CALN1: variants seen among roughly 807,000 people sequenced by gnomAD.
CALN1 encodes the protein calneuron 1.
In CALN1, 17 loss-of-function variants were observed where a neutral mutation model predicts 30.6. The ratio of observed to expected loss-of-function variants is 0.56; its 90% CI spans 0.38 to 0.83. The LOEUF is 0.83. Ranked by LOEUF, CALN1 falls within the 40% of genes least tolerant of loss-of-function variation. The pLI, the probability that CALN1 is intolerant of heterozygous loss-of-function variation, is 0.00. For missense variants in CALN1, 291 were observed against 354.9 expected (o/e 0.82, Z 1.45); for synonymous variants, 156 against 131.4 (o/e 1.19, Z -1.28).
At chr7:72,244,424 A>G (rs950316060) in intron 3 of CALN1, among the ~76,000 whole-genome samples, 2 of 152,218 alleles carry the variant, frequency 1.3e-5, no homozygotes, top group Non-Finnish European at 2.9e-5. Flanking sequence ...GGATTGAAAA[A>G]TAAGCGTGTT....
At chr7:72,154,710 G>A (rs1187583741) in intron 3 of CALN1, among the ~76,000 whole-genome samples, 1 of 152,104 alleles carries the variant, frequency 6.6e-6, no homozygotes, top group Non-Finnish European at 1.5e-5. Flanking sequence ...TAAGGTCATA[G>A]GGTAAGGCTT....
At chr7:71,930,165 G>A (rs1075042) in intron 5 of CALN1, among the ~76,000 whole-genome samples, 89,270 of 151,942 alleles carry the variant, frequency 0.59, 26,741 homozygotes, top group East Asian at 0.88. Context: ...TTTTTCCCAG[G>A]CTATTTTTGA....
At chr7:72,324,314 C>A (rs1801109019) in intron 2 of CALN1, among the ~76,000 whole-genome samples, 1 of 152,088 alleles carries the variant, frequency 6.6e-6, no homozygotes, top group South Asian at 2.1e-4. Context: ...TTCACCTCCT[C>A]CAGAAAGGTC....
intron 2 of CALN1, among the ~76,000 whole-genome samples, chr7:72,299,853 A>C (rs979520480): frequency 1.3e-5 from 2 of 151,766 alleles, no homozygotes; most frequent in Non-Finnish European, 2.9e-5. Context: ...TGCTTTTTCA[A>C]TGGGGGAGAG....
chr7:72,275,495 A>T (rs1797277796), intron 3 of CALN1, among the ~76,000 whole-genome samples: 1 of 152,182 alleles, frequency 6.6e-6, no homozygotes, highest in South Asian at 2.1e-4. Flanking sequence ...ATAAACCAGG[A>T]ACAGTCATAA....
chr7:72,005,568 GC>G (rs1415297995), intron 5 of CALN1, among the ~76,000 whole-genome samples: 2 of 152,020 alleles, frequency 1.3e-5, no homozygotes, highest in African/African-American at 4.8e-5. Context: ...CTGGGCTCAA[GC>G]AATCCCCCCA....
At chr7:72,024,251 A>C (rs986977803) in intron 4 of CALN1, among the ~76,000 whole-genome samples, 1 of 152,192 alleles carries the variant, frequency 6.6e-6, no homozygotes, top group Non-Finnish European at 1.5e-5. Flanking sequence ...TGAAGGTGAG[A>C]AAATCCTTCT....
intron 5 of CALN1, among the ~76,000 whole-genome samples, chr7:71,917,377 C>T (rs571162697): frequency 1.3e-5 from 2 of 152,266 alleles, no homozygotes; most frequent in South Asian, 4.2e-4. Context: ...GTTAATACCA[C>T]TATTATATAA....
At chr7:72,199,955 CA>C (rs1791306154) in intron 3 of CALN1, among the ~76,000 whole-genome samples, 2 of 152,172 alleles carry the variant, frequency 1.3e-5, no homozygotes, top group South Asian at 4.1e-4. Context: ...CCTCATGAAA[CA>C]ATGACGGGCA....
intron 5 of CALN1, among the ~76,000 whole-genome samples, chr7:71,859,402 A>G (rs1366066734): frequency 3.3e-5 from 5 of 151,840 alleles, no homozygotes; most frequent in Admixed American, 1.3e-4. Context: ...AGTCTAAGCC[A>G]CTCTTCATGT....
At chr7:71,832,180 T>TAAAA (rs965161791) in intron 5 of CALN1, among the ~76,000 whole-genome samples, 3 of 152,152 alleles carry the variant, frequency 2.0e-5, no homozygotes, top group Admixed American at 6.6e-5. Flanking sequence ...TGTAGGCTTT[T>TAAAA]AGGCTTCCCT....
chr7:72,211,129 A>G (rs1792363850), intron 3 of CALN1, among the ~76,000 whole-genome samples: 1 of 152,096 alleles, frequency 6.6e-6, no homozygotes, highest in Non-Finnish European at 1.5e-5. Context: ...AAGGGTTCGT[A>G]TTGCCAACAA....
At chr7:71,799,133 T>A (rs1281604159) in intron 6 of CALN1, among the ~76,000 whole-genome samples, 1 of 152,208 alleles carries the variant, frequency 6.6e-6, no homozygotes, top group East Asian at 1.9e-4. Context: ...TGGTTAGCCT[T>A]GCCTTTCATT....
intron 5 of CALN1, among the ~76,000 whole-genome samples, chr7:71,930,743 C>T (rs966114908): frequency 7.0e-4 from 107 of 152,148 alleles, no homozygotes; most frequent in African/African-American, 2.4e-3. Flanking sequence ...TTCATTCTCT[C>T]GCGTGTGTGT....
intron 5 of CALN1, among the ~76,000 whole-genome samples, chr7:71,935,188 G>A (rs1447724239): frequency 6.6e-6 from 1 of 152,192 alleles, no homozygotes; most frequent in East Asian, 1.9e-4. Context: ...TCCAGGCCAA[G>A]GCAATGATGA....
At chr7:72,162,542 T>G (rs1054592250) in intron 3 of CALN1, among the ~76,000 whole-genome samples, 5 of 151,800 alleles carry the variant, frequency 3.3e-5, no homozygotes, top group African/African-American at 1.2e-4. Flanking sequence ...GAGATCAGCC[T>G]GGGCAACATG....
chr7:72,189,401 G>A (rs1055683852), intron 3 of CALN1, among the ~76,000 whole-genome samples: 2 of 152,182 alleles, frequency 1.3e-5, no homozygotes, highest in Non-Finnish European at 2.9e-5. Flanking sequence ...GTGTCAAAGA[G>A]GACTTTATTA....
At chr7:72,478,040 G>A in the CALN1 span, among the ~76,000 whole-genome samples, 22 of 152,084 alleles carry the variant, frequency 1.4e-4, no homozygotes, top group African/African-American at 2.7e-4. Flanking sequence ...AGCCTAGCAC[G>A]TTGCTTGGAT....
At chr7:72,140,276 AAGAGAGAG>A (rs71069028) in intron 3 of CALN1, among the ~76,000 whole-genome samples, 142 of 119,574 alleles carry the variant, frequency 1.2e-3, no homozygotes, top group Admixed American at 1.3e-3. Flanking sequence ...GTCTCAAAAT[AAGAGAGAG>A]AGAGAGAGAG....
Sources: allele counts gnomAD v4.1 joint callset (sites outside exome capture counted in the v4.1 genomes callset), GRCh38; gene constraint gnomAD v4.1.1; transcripts MANE v1.5; gene names NCBI Gene and HGNC (gene_info 2026-07-23, HGNC 2026-07-21).